Variants in B4GALT5 observed in about 807,000 individuals in gnomAD.
The protein encoded by B4GALT5 is UDP-Gal:beta-GlcNAc beta-1,4-galactosyltransferase 5.
A neutral mutation model predicts 45.0 loss-of-function variants in B4GALT5; 11 were observed. That is an observed-to-expected ratio of 0.24 (90% CI 0.15 to 0.40). The LOEUF (loss-of-function observed/expected upper bound fraction) is 0.40. Ranked by LOEUF, B4GALT5 falls within the 10% of genes least tolerant of loss-of-function variation. The probability of loss-of-function intolerance (pLI) is 1.00; values close to 1 mark genes in which losing one functional copy is unlikely to be tolerated. For synonymous variants in B4GALT5, 185 were observed against 182.9 expected, an observed-to-expected ratio of 1.01 and a Z score of -0.09; for missense variants, 337 against 500.2, an observed-to-expected ratio of 0.67 and a Z score of 3.11.
intron 1 of B4GALT5, among the ~76,000 whole-genome samples, chr20:49,669,647 G>T (rs1236408158): frequency 1.3e-5 from 2 of 148,626 alleles, no homozygotes; most frequent in Non-Finnish European, 3.0e-5. Context: ...AGTGAGCTAA[G>T]ATCGCGCCAT....
intron 1 of B4GALT5, among the ~76,000 whole-genome samples, chr20:49,676,119 A>C (rs2085736169): frequency 6.6e-6 from 1 of 151,838 alleles, no homozygotes; most frequent in Non-Finnish European, 1.5e-5. Flanking sequence ...CCAACTGACA[A>C]ATCCTTAAGG....
intron 1 of B4GALT5, among the ~76,000 whole-genome samples, chr20:49,657,389 G>A (rs1463136666): frequency 6.6e-6 from 1 of 152,142 alleles, no homozygotes; most frequent in African/African-American, 2.4e-5. Context: ...TGCCAATCTT[G>A]TCTTCTTTGG....
At chr20:49,701,791 CAGGCTAGGCGTGGTGGCTCAT>C (rs1445348740) in intron 1 of B4GALT5, among the ~76,000 whole-genome samples, 1 of 152,116 alleles carries the variant, frequency 6.6e-6, no homozygotes. Flanking sequence ...AAATACCAAA[CAGGCTAGGCGTGGTGGCTCAT>C]GCCTGTAATC....
At chr20:49,665,835 G>C (rs1229820693) in intron 1 of B4GALT5, among the ~76,000 whole-genome samples, 2 of 151,360 alleles carry the variant, frequency 1.3e-5, no homozygotes, top group Admixed American at 1.3e-4. Context: ...AGAGGGAGCA[G>C]CATAAATGAA....
At chr20:49,682,042 G>C (rs1336554081) in intron 1 of B4GALT5, among the ~76,000 whole-genome samples, 1 of 152,216 alleles carries the variant, frequency 6.6e-6, no homozygotes, top group African/African-American at 2.4e-5. Context: ...GTTGTAGTGA[G>C]CTTCCATTGC....
chr20:49,638,599 A>ACCACTCC (rs1406700356), intron 7 of B4GALT5, among the ~76,000 whole-genome samples: 1 of 152,176 alleles, frequency 6.6e-6, no homozygotes, highest in Non-Finnish European at 1.5e-5. Flanking sequence ...GTTCCAATGA[A>ACCACTCC]ATGGGCATTT....
intron 1 of B4GALT5, among the ~76,000 whole-genome samples, chr20:49,658,614 C>G (rs1490001417): frequency 6.6e-6 from 1 of 152,188 alleles, no homozygotes; most frequent in Non-Finnish European, 1.5e-5. Flanking sequence ...TTAGCCCCTC[C>G]TTTAAACACT....
intron 1 of B4GALT5, among the ~76,000 whole-genome samples, chr20:49,708,948 AG>A (rs67697933): frequency 1.7e-5 from 2 of 118,342 alleles, no homozygotes; most frequent in South Asian, 6.0e-4. Flanking sequence ...AAAAAAAAAA[AG>A]TCATCAATGC....
chr20:49,673,664 A>G (rs181087722), intron 1 of B4GALT5, among the ~76,000 whole-genome samples: 1 of 152,328 alleles, frequency 6.6e-6, no homozygotes, highest in African/African-American at 2.4e-5. Context: ...AAGATCAAGT[A>G]TTGAAAAGAT....
At chr20:49,668,652 G>T (rs1354180293) in intron 1 of B4GALT5, among the ~76,000 whole-genome samples, 1 of 152,090 alleles carries the variant, frequency 6.6e-6, no homozygotes, top group Non-Finnish European at 1.5e-5. Context: ...TGTGCTAGAG[G>T]CACAAGACCA....
chr20:49,645,596 A>G (rs1039596103), intron 3 of B4GALT5, among the ~76,000 whole-genome samples: 4 of 151,892 alleles, frequency 2.6e-5, no homozygotes, highest in Non-Finnish European at 5.9e-5. Flanking sequence ...TAAAAATACA[A>G]AAATTAGCCA....
At chr20:49,694,751 G>A (rs371224505) in intron 1 of B4GALT5, among the ~76,000 whole-genome samples, 1 of 151,988 alleles carries the variant, frequency 6.6e-6, no homozygotes, top group Non-Finnish European at 1.5e-5. Flanking sequence ...AACAATATGC[G>A]CATAACCTGA....
At chr20:49,667,888 A>C (rs974086050) in intron 1 of B4GALT5, among the ~76,000 whole-genome samples, 13 of 152,214 alleles carry the variant, frequency 8.5e-5, no homozygotes, top group Non-Finnish European at 1.2e-4. Context: ...CTGGATACTC[A>C]TACTATGCAT....
intron 1 of B4GALT5, among the ~76,000 whole-genome samples, chr20:49,696,320 T>C (rs181400247): frequency 2.9e-4 from 44 of 152,380 alleles, no homozygotes; most frequent in Middle Eastern, 3.4e-3. Context: ...TTAGACATAC[T>C]GTTGTAACAT....
At chr20:49,703,609 C>T (rs1020274342) in intron 1 of B4GALT5, among the ~76,000 whole-genome samples, 3 of 152,014 alleles carry the variant, frequency 2.0e-5, no homozygotes, top group Non-Finnish European at 4.4e-5. Context: ...ACAGATTCAG[C>T]CGGGCATGGT....
At chr20:49,663,693 A>C (rs1237250333) in intron 1 of B4GALT5, among the ~76,000 whole-genome samples, 7 of 52,268 alleles carry the variant, frequency 1.3e-4, no homozygotes, top group Non-Finnish European at 1.8e-4. Flanking sequence ...AAAAAAAAAT[A>C]TATACATATA....
chr20:49,686,104 C>T (rs989511100), intron 1 of B4GALT5, among the ~76,000 whole-genome samples: 3 of 152,082 alleles, frequency 2.0e-5, no homozygotes, highest in Non-Finnish European at 4.4e-5. Context: ...TTTGGAAAAC[C>T]GGAAAATGTC....
At chr20:49,679,850 A>C (rs2085757056) in intron 1 of B4GALT5, among the ~76,000 whole-genome samples, 1 of 152,184 alleles carries the variant, frequency 6.6e-6, no homozygotes, top group South Asian at 2.1e-4. Flanking sequence ...AATATGGCAA[A>C]TATTTAATAA....
intron 1 of B4GALT5, among the ~76,000 whole-genome samples, chr20:49,662,270 C>A (rs1438633309): frequency 6.6e-6 from 1 of 152,114 alleles, no homozygotes; most frequent in Non-Finnish European, 1.5e-5. Flanking sequence ...TGCAAACATA[C>A]AACACACACA....
Sources: gnomAD v4.1 joint callset for allele counts (sites outside exome capture counted in the v4.1 genomes callset) on GRCh38, gnomAD v4.1.1 for gene constraint, MANE v1.5 for transcripts, NCBI Gene and HGNC (gene_info 2026-07-23, HGNC 2026-07-21) for gene names.